Variants in RORA observed in about 807,000 individuals in gnomAD.
RORA encodes nuclear receptor ROR-alpha.
Under a neutral mutation model 69.5 loss-of-function variants are expected in RORA, and 7 were observed. That is an observed-to-expected ratio of 0.10 (90% CI 0.06 to 0.19). RORA has a LOEUF of 0.19. Ranked by LOEUF, RORA falls within the 10% of genes least tolerant of loss-of-function variation. The pLI, the probability that RORA is intolerant of heterozygous loss-of-function variation, is 1.00. For synonymous variants in RORA, 261 were observed against 240.8 expected (o/e 1.08, Z -0.78); for missense variants, 457 against 663.0 (o/e 0.69, Z 3.41).
At position 60,752,440 on chromosome 15, in the gene RORA, A is replaced by G. The variant is rs1314615733; in HGVS notation, c.167-73754T>C. Among the ~76,000 whole-genome samples, 6 of 152,258 alleles carry G rather than the reference A, an allele frequency of 3.9e-5. No individual in the cohort carries two copies. In the East Asian group the frequency reaches 1.2e-3, roughly 29 times the overall value. ...GCGTTTCAATTTGGTACCTAAATAA[A>G]CAATCTATTTTAGTGGCTCCCCTTT... On this transcript the variant is annotated intron_variant, in intron 1 of 10. Coordinates refer to ENST00000335670, the MANE Select transcript of RORA (RefSeq NM_134261.3).
chr15:61,094,563 A>C (rs1258150225), intron 1 of RORA, among the ~76,000 whole-genome samples: 1 of 152,192 alleles, frequency 6.6e-6, no homozygotes, highest in Non-Finnish European at 1.5e-5. Context: ...CTCAAACAAG[A>C]TGTGGTAAGG....
At chr15:60,602,107 C>A (rs1294184731) in intron 2 of RORA, among the ~76,000 whole-genome samples, 1 of 152,094 alleles carries the variant, frequency 6.6e-6, no homozygotes, top group African/African-American at 2.4e-5. Flanking sequence ...CTTTCATAGA[C>A]CAGAATGTAA....
chr15:60,727,823 T>A (rs2071380471), intron 1 of RORA, among the ~76,000 whole-genome samples: 1 of 152,218 alleles, frequency 6.6e-6, no homozygotes, highest in Admixed American at 6.5e-5. Context: ...GGCACCTGCC[T>A]GCCAAGTGAA....
At chr15:61,217,071 A>G (rs1027603455) in intron 1 of RORA, among the ~76,000 whole-genome samples, 6 of 152,156 alleles carry the variant, frequency 3.9e-5, no homozygotes, top group African/African-American at 1.4e-4. Context: ...TTGGAAATAT[A>G]AGACAGCAGG....
At position 60,568,702 on chromosome 15, in the gene RORA, C is replaced by T. The variant is rs114352993; in HGVS notation, c.197-36851G>A. 3.9e-3 allele frequency among the ~76,000 whole-genome samples: 598 copies of T among 152,320 alleles called. 5 individuals carry two copies. The highest frequency in any genetic ancestry group is 0.014 in the African/African-American group (564 of 41,576). On this transcript the variant is annotated intron_variant, in intron 2 of 10. Transcript: ENST00000335670. ...TGGCTCGAAGGGCCTTGACCCAGAG[C>T]TCACTCACCTGAGAGCTTCTTTCAC...
At chr15:61,080,679 C>A (rs937625112) in intron 1 of RORA, among the ~76,000 whole-genome samples, 1 of 152,216 alleles carries the variant, frequency 6.6e-6, no homozygotes, top group African/African-American at 2.4e-5. Context: ...GCTCGTCCTG[C>A]ACACAGTGGG....
chr15:60,708,686 G>A (rs543217690), intron 1 of RORA, among the ~76,000 whole-genome samples: 68 of 152,090 alleles, frequency 4.5e-4, no homozygotes, highest in African/African-American at 1.5e-3. Flanking sequence ...AGCCTTTTCA[G>A]TTCCCTACAC....
At chr15:60,509,628 G>A (rs1224227718) in intron 5 of RORA, among the ~76,000 whole-genome samples, 1 of 152,174 alleles carries the variant, frequency 6.6e-6, no homozygotes, top group Non-Finnish European at 1.5e-5. Flanking sequence ...TTATGGTAAG[G>A]TGGAGGCAAA....
intron 2 of RORA, among the ~76,000 whole-genome samples, chr15:60,608,943 AACAC>A (rs2069016637): frequency 6.6e-6 from 1 of 152,182 alleles, no homozygotes; most frequent in African/African-American, 2.4e-5. Context: ...GTGACCGAGA[AACAC>A]ACACAGTTTA....
chr15:60,580,554 A>G (rs184498728), intron 2 of RORA, among the ~76,000 whole-genome samples: 4 of 152,346 alleles, frequency 2.6e-5, no homozygotes, highest in East Asian at 3.9e-4. Flanking sequence ...AGAGAGACCA[A>G]TCGCTCCTGT....
intron 1 of RORA, among the ~76,000 whole-genome samples, chr15:61,062,731 C>T (rs2078204285): frequency 6.6e-6 from 1 of 152,176 alleles, no homozygotes; most frequent in Non-Finnish European, 1.5e-5. Context: ...TACGCTCCCT[C>T]CTCTCCCAAC....
At chr15:60,945,201 A>G (rs12442730) in intron 1 of RORA, among the ~76,000 whole-genome samples, 37,416 of 152,090 alleles carry the variant, frequency 0.25, 5,598 homozygotes, top group East Asian at 0.61. Context: ...CAAACTCATG[A>G]TCACATAAAC....
intron 1 of RORA, among the ~76,000 whole-genome samples, chr15:61,223,175 A>G (rs1157676477): frequency 2.6e-5 from 4 of 151,980 alleles, no homozygotes; most frequent in South Asian, 2.1e-4. Context: ...TTAGCTGGGC[A>G]TGGTGGTGCG....
chr15:61,098,275 C>T (rs553216937), intron 1 of RORA, among the ~76,000 whole-genome samples: 158 of 142,206 alleles, frequency 1.1e-3, no homozygotes, highest in African/African-American at 3.9e-3. Context: ...CTCCCTTCTT[C>T]CCTCCTTCCC....
At chr15:60,676,881 A>G (rs906305084) in intron 2 of RORA, among the ~76,000 whole-genome samples, 2 of 152,312 alleles carry the variant, frequency 1.3e-5, no homozygotes, top group African/African-American at 2.4e-5. Flanking sequence ...CTCTCTTTAT[A>G]TGGACTGTCT....
intron 1 of RORA, among the ~76,000 whole-genome samples, chr15:61,167,996 A>G (rs538198433): frequency 6.6e-6 from 1 of 152,268 alleles, no homozygotes; most frequent in South Asian, 2.1e-4. Context: ...CCTATAAAAC[A>G]TCTGGAAACT....
intron 1 of RORA, among the ~76,000 whole-genome samples, chr15:60,819,081 A>T (rs1415799237): frequency 6.6e-6 from 1 of 152,228 alleles, no homozygotes; most frequent in Non-Finnish European, 1.5e-5. Flanking sequence ...GGTTTTCTAC[A>T]TCTAAATATC....
At chr15:61,075,614 G>A (rs2078437348) in intron 1 of RORA, among the ~76,000 whole-genome samples, 7 of 152,084 alleles carry the variant, frequency 4.6e-5, no homozygotes, top group Admixed American at 3.9e-4. Flanking sequence ...AAAGAGACAG[G>A]GCAGGTATAA....
chr15:60,728,330 G>A (rs1325804672), intron 1 of RORA, among the ~76,000 whole-genome samples: 1 of 152,060 alleles, frequency 6.6e-6, no homozygotes, highest in Non-Finnish European at 1.5e-5. Flanking sequence ...TTAAGTATCT[G>A]CAATATACCC....
Sources: allele counts gnomAD v4.1 joint callset (sites outside exome capture counted in the v4.1 genomes callset), GRCh38; gene constraint gnomAD v4.1.1; transcripts MANE v1.5; gene names NCBI Gene and HGNC (gene_info 2026-07-23, HGNC 2026-07-21).